The following DDX59 variants were observed in gnomAD, a reference collection of about 807,000 sequenced individuals.
The protein encoded by DDX59 is probable ATP-dependent RNA helicase DDX59.
A neutral mutation model predicts 51.9 loss-of-function variants in DDX59; 30 were observed. The observed-to-expected ratio is 0.58, with a 90% CI of 0.43 to 0.78. The LOEUF (loss-of-function observed/expected upper bound fraction) is 0.78, where lower values mean the gene tolerates loss of function less well. DDX59 is among the 30% of genes least tolerant of loss of function. The pLI, the probability that DDX59 is intolerant of heterozygous loss-of-function variation, is 0.00. For missense variants in DDX59, 672 were observed against 730.8 expected, an observed-to-expected ratio of 0.92 and a Z score of 0.93; for synonymous variants, 255 against 253.3, an observed-to-expected ratio of 1.01 and a Z score of -0.06.
At position 200,666,442 on chromosome 1, in the gene DDX59, C is replaced by T. The variant is rs1662752858; in HGVS notation, c.299G>A (p.Trp100Ter). The T allele has an allele frequency of 3.1e-6, 5 of 1,614,150 alleles. No individual in the cohort carries two copies. The highest frequency in any genetic ancestry group is 1.6e-4 in the Middle Eastern group (1 of 6,062). ...ACAGATGGGTTCCCCTGGTTCTGCCCAGCGCTGTGTTTTGGAAAATGACTT... is the reference window on the plus strand; with the variant it reads ...ACAGATGGGTTCCCCTGGTTCTGCCTAGCGCTGTGTTTTGGAAAATGACTT... ...PVKSFSKTQR[W>*]AEPGEPICVV... The change falls in exon 2 of 8, where the codon TGG becomes TAG. Residue 100 changes from tryptophan to a stop codon, truncating the protein, a stop_gained. Coordinates refer to ENST00000331314, the MANE Select transcript of DDX59 (RefSeq NM_001031725.6). LOFTEE classifies it high-confidence loss of function.
downstream of DDX59, chr1:200,641,063 A>G: frequency 2.7e-6 from 2 of 750,220 alleles, no homozygotes; most frequent in Non-Finnish European, 4.1e-6. Context: ...GCAACAAAAG[A>G]GTCCTATCTG....
At chr1:200,655,374 T>C (rs80147503) in intron 4 of DDX59, among the ~76,000 whole-genome samples, 2 of 72,824 alleles carry the variant, frequency 2.7e-5, no homozygotes, top group Admixed American at 2.5e-4. Context: ...CCCTTACCCC[T>C]GTCTGGATTG....
chr1:200,652,556 A>G (rs945288223), intron 4 of DDX59, among the ~76,000 whole-genome samples: 16 of 151,842 alleles, frequency 1.1e-4, no homozygotes, highest in Admixed American at 5.9e-4. Context: ...TTTAGTAGAG[A>G]TGGGGTTTTG....
rs1428085338 is a variant in DDX59, at chr1:200,665,996, T to C, written c.745A>G (p.Thr249Ala). 6.2e-7 allele frequency: 1 copy of C among 1,614,080 alleles called. No individual in the cohort carries two copies. The highest frequency in any genetic ancestry group is 2.2e-5 in the East Asian group (1 of 44,898). ...AAAGCAGCTGTTTTTCCTGAGCCAG[T>C]ATCTGCACTGGCCAGAATGTCTCTT... ...LGRDILASAD[T>A]GSGKTAAFLL... is the part of the protein sequence containing the mutation. The change falls in exon 2 of 8, where the codon ACT (threonine) becomes GCT (alanine). Residue 249 changes from threonine to alanine, a missense_variant. By Grantham distance (58) the Thr-to-Ala change is moderately conservative. Transcript: ENST00000331314.
rs532844643 is a variant in DDX59 at position 200,653,449 on chromosome 1, G to A, written c.1063-2773C>T. Among the ~76,000 whole-genome samples the A allele has an allele frequency of 7.8e-4, 119 of 152,178 alleles. 1 individual carries two copies. The South Asian group carries it at 9.8e-3, about 13-fold the overall frequency. On this transcript the variant is annotated intron_variant, in intron 4 of 7. Coordinates refer to ENST00000331314, the MANE Select transcript of DDX59 (RefSeq NM_001031725.6). ...CCACTAGCATACCTCAGAGCTGGTC[G>A]CTTCTCCCAACTCATATTTGCAAGA...
In DDX59 at chr1:200,648,564, A is replaced by G; in HGVS notation, c.1471T>C (p.Leu491=). The G allele has an allele frequency of 6.2e-7, 1 of 1,605,638 alleles. No homozygotes were observed. Among genetic ancestry groups the G allele is most frequent in the South Asian group, 1.1e-5 (1 of 89,626 alleles). Residue 491 remains leucine (L), a synonymous_variant, in exon 7 of 8, where the codon TTA becomes CTA. Transcript: ENST00000331314. ...QIERKNILKG[L]LEGDYEVVVS... ...ACAACTTCATAGTCTCCTTCAAGTA[A>G]TCCCTTTCCAAAAAAGCAACAAAAT...
At chr1:200,643,978 T>C (rs1191840478), downstream of DDX59, 1 of 321,228 alleles carries the variant, frequency 3.1e-6, no homozygotes, top group Non-Finnish European at 4.5e-6. Flanking sequence ...TTGTGGAGGT[T>C]TCTGGTTCTG....
rs746246632 is a variant in DDX59, at chr1:200,648,508, T to C, written c.1527A>G (p.Leu509=). The change falls in exon 7 of 8, where the codon CTA becomes CTG. Residue 509 remains leucine, a synonymous_variant. Coordinates refer to ENST00000331314, the MANE Select transcript of DDX59 (RefSeq NM_001031725.6). ...VVSTGVLGRG[L]DLISVRLVVN... ...CAACCAGCCTGACACTGATCAAGTC[T>C]AGGCCTCGTCCCAAGACTCCTGTGC... 1.4e-5 allele frequency: 23 copies of C among 1,614,210 alleles called. No individual in the cohort carries two copies. The highest frequency in any genetic ancestry group is 1.9e-5 in the Non-Finnish European group (22 of 1,180,020).
Position 200,666,729 on chromosome 1 carries a change from T to TGG in DDX59, c.10_11dup (p.Arg5GlnfsTer4), listed in dbSNP as rs536112855. On this transcript the variant is annotated frameshift_variant, in exon 2 of 8. Transcript: ENST00000331314. LOFTEE classifies it high-confidence loss of function. Reference sequence around the variant, plus strand: ...CATTCCTCTTGATTTTTAGAGATCTTGGAACAAACATCCTTCAATATTCTG... The same window carrying TGG: ...CATTCCTCTTGATTTTTAGAGATCTTGGGGAACAAACATCCTTCAATATTCTG... 8.7e-6 allele frequency: 14 copies of TGG among 1,610,418 alleles called. No homozygotes were observed. Among genetic ancestry groups the TGG allele is most frequent in the Non-Finnish European group, 1.2e-5 (14 of 1,177,474 alleles).
chr1:200,654,364 GATTGC>G (rs1661873104), intron 4 of DDX59: 1 of 151,962 alleles, frequency 6.6e-6, no homozygotes, highest in South Asian at 2.1e-4. Context: ...AGTAAGCAGA[GATTGC>G]GCCACTGCAC....
In DDX59 at chr1:200,666,588, T is replaced by TC. The variant is rs1662772582; in HGVS notation, c.152_153insG (p.Ile52AsnfsTer37). On this transcript the variant is annotated frameshift_variant, in exon 2 of 8. Transcript: ENST00000331314. LOFTEE classifies it high-confidence loss of function. ...ATGATTCGCTGATGTGCCTGTCTAT[T>TC]GTGGCTGCTTCTGTAGCTACAGCAT... 4 of 1,614,112 alleles carry TC rather than the reference T, an allele frequency of 2.5e-6. No individual in the cohort carries two copies. The highest frequency in any genetic ancestry group is 3.4e-6 in the Non-Finnish European group (4 of 1,180,044).
At chr1:200,649,385 T>C (rs988462976) in intron 5 of DDX59, among the ~76,000 whole-genome samples, 159 bp from the exon 6 acceptor site, 16 of 151,976 alleles carry the variant, frequency 1.1e-4, no homozygotes, top group Non-Finnish European at 2.2e-4. Flanking sequence ...TCTCAGCACT[T>C]TGGGAGACCG....
At chr1:200,661,390 A>G (rs1662365410) in intron 3 of DDX59, among the ~76,000 whole-genome samples, 1 of 152,216 alleles carries the variant, frequency 6.6e-6, no homozygotes, top group African/African-American at 2.4e-5. Flanking sequence ...TACTAAACTC[A>G]AAGGGGAAAA....
intron 2 of DDX59, among the ~76,000 whole-genome samples, chr1:200,665,635 C>G (rs138553427): frequency 6.6e-6 from 1 of 152,312 alleles, no homozygotes; most frequent in African/African-American, 2.4e-5. Flanking sequence ...ATCTTTTCCC[C>G]CTCAAATCCA....
chr1:200,665,542 T>C (rs949372349), intron 2 of DDX59, among the ~76,000 whole-genome samples: 1 of 151,512 alleles, frequency 6.6e-6, no homozygotes, highest in Non-Finnish European at 1.5e-5. Flanking sequence ...GTGTTCCAAC[T>C]TCAGTATAAA....
chr1:200,644,647 G>A, intron 7 of DDX59, 130 bp from the exon 8 acceptor site: 5 of 1,137,706 alleles, frequency 4.4e-6, no homozygotes, highest in South Asian at 2.1e-5. Flanking sequence ...TGTAACCCCA[G>A]CACTTTGGGA....
chr1:200,649,189 A>C lies in DDX59; in HGVS notation c.1352T>G (p.Val451Gly). The C allele has an allele frequency of 6.3e-7, 1 of 1,591,322 alleles. No individual in the cohort carries two copies. Among genetic ancestry groups the C allele is most frequent in the Non-Finnish European group, 8.5e-7 (1 of 1,173,386 alleles). Reference protein sequence around the residue: ...KLFKPPVLVFVDCKLGADLLS... With the variant: ...KLFKPPVLVFGDCKLGADLLS... ...AAGATCTGCTCCTAGTTTGCAGTCCACAAATACTAACACTGGAGGCTTAAA... is the reference window on the plus strand; with the variant it reads ...AAGATCTGCTCCTAGTTTGCAGTCCCCAAATACTAACACTGGAGGCTTAAA... The change falls in exon 6 of 8, where the codon GTG becomes GGG. Residue 451 changes from valine (V) to glycine (G), a missense_variant. By Grantham distance (109) the Val-to-Gly change is moderately radical. Coordinates refer to ENST00000331314, the MANE Select transcript of DDX59 (RefSeq NM_001031725.6).
At chr1:200,666,773 G>T in intron 1 of DDX59, 22 bp from the exon 2 acceptor site, 3 of 1,571,154 alleles carry the variant, frequency 1.9e-6, no homozygotes, top group South Asian at 2.4e-5. Flanking sequence ...ATTATATAAT[G>T]AGATTTATTG....
intron 4 of DDX59, among the ~76,000 whole-genome samples, chr1:200,658,560 G>C (rs1435949211): frequency 6.6e-6 from 1 of 152,108 alleles, no homozygotes; most frequent in Non-Finnish European, 1.5e-5. Context: ...CAGGCATGGT[G>C]ATGTGTGTGC....
Sources: allele counts gnomAD v4.1 joint callset (sites outside exome capture counted in the v4.1 genomes callset), GRCh38; gene constraint gnomAD v4.1.1; transcripts MANE v1.5; gene names NCBI Gene and HGNC (gene_info 2026-07-23, HGNC 2026-07-21).